DLG2: variants seen among roughly 807,000 people sequenced by gnomAD.
DLG2 encodes disks large homolog 2.
DLG2 carries 45 observed loss-of-function variants against 132.5 expected under a neutral mutation model. That is an observed-to-expected ratio of 0.34 (90% confidence interval 0.27 to 0.44). The LOEUF (loss-of-function observed/expected upper bound fraction) is 0.44, where lower values mean the gene tolerates loss of function less well. DLG2 is among the 20% of genes least tolerant of loss of function. DLG2 has a pLI of 1.00. For missense variants in DLG2, 1,045 were observed against 1,196.9 expected (o/e 0.87, Z 1.87); for synonymous variants, 424 against 419.6 (o/e 1.01, Z -0.13).
chr11:85,119,085 T>C (rs1228941241), intron 5 of DLG2, among the ~76,000 whole-genome samples: 1 of 151,976 alleles, frequency 6.6e-6, no homozygotes, highest in South Asian at 2.1e-4. Flanking sequence ...ACAAGGTTAC[T>C]ATGAAAATTA....
chr11:84,114,127 TTTA>T (rs1346042052), intron 9 of DLG2, among the ~76,000 whole-genome samples: 1 of 151,850 alleles, frequency 6.6e-6, no homozygotes, highest in Non-Finnish European at 1.5e-5. Flanking sequence ...ATTTAATGGG[TTTA>T]TTATTATTTA....
intron 6 of DLG2, among the ~76,000 whole-genome samples, chr11:84,744,865 G>C (rs1469434212): frequency 1.4e-5 from 2 of 142,754 alleles, no homozygotes; most frequent in African/African-American, 2.6e-5. Context: ...GAAAGTTTCT[G>C]CTCTCCAGAT....
chr11:85,195,109 T>C (rs772518140), intron 4 of DLG2, among the ~76,000 whole-genome samples: 4 of 152,156 alleles, frequency 2.6e-5, no homozygotes, highest in African/African-American at 7.2e-5. Context: ...AAATTCCCTA[T>C]GTTCCTGAGA....
At chr11:83,754,827 G>T (rs1465447063) in intron 18 of DLG2, among the ~76,000 whole-genome samples, 1 of 151,386 alleles carries the variant, frequency 6.6e-6, no homozygotes, top group African/African-American at 2.5e-5. Context: ...TATTGGCAAA[G>T]ATATGGCCCA....
intron 7 of DLG2, among the ~76,000 whole-genome samples, chr11:84,438,102 G>T (rs970732635): frequency 1.3e-5 from 2 of 152,106 alleles, no homozygotes; most frequent in Non-Finnish European, 2.9e-5. Flanking sequence ...TCCTCCAAGA[G>T]GACTAAGAGG....
At chr11:84,069,266 T>A (rs1371824712) in intron 10 of DLG2, among the ~76,000 whole-genome samples, 1 of 152,162 alleles carries the variant, frequency 6.6e-6, no homozygotes, top group Non-Finnish European at 1.5e-5. Context: ...GTATGATTCA[T>A]TCCAAAATAA....
chr11:83,906,081 C>CTATA (rs773692866), intron 15 of DLG2, among the ~76,000 whole-genome samples: 115 of 96,626 alleles, frequency 1.2e-3, no homozygotes, highest in East Asian at 2.2e-3. Context: ...CTCTCTCTCT[C>CTATA]TATATATATA....
intron 6 of DLG2, among the ~76,000 whole-genome samples, chr11:84,940,190 T>A (rs2049224010): frequency 6.6e-6 from 1 of 152,194 alleles, no homozygotes; most frequent in African/African-American, 2.4e-5. Flanking sequence ...TTGCTCTGTC[T>A]CCCAGGCTGG....
chr11:84,249,297 C>A (rs1011874795), intron 8 of DLG2, among the ~76,000 whole-genome samples: 1 of 152,182 alleles, frequency 6.6e-6, no homozygotes, highest in Non-Finnish European at 1.5e-5. Flanking sequence ...TATATTGAAG[C>A]TTCTGTGACA....
At chr11:84,804,847 C>A (rs2075816392) in intron 6 of DLG2, among the ~76,000 whole-genome samples, 1 of 152,142 alleles carries the variant, frequency 6.6e-6, no homozygotes, top group Non-Finnish European at 1.5e-5. Context: ...CTTGCTCAGA[C>A]AGTATCAGAA....
chr11:85,509,781 A>G (rs1324654035), intron 3 of DLG2, among the ~76,000 whole-genome samples: 1 of 152,084 alleles, frequency 6.6e-6, no homozygotes, highest in Non-Finnish European at 1.5e-5. Flanking sequence ...TCTATGAATC[A>G]CTGATGAATT....
chr11:84,645,702 C>T (rs2154545816), intron 6 of DLG2, among the ~76,000 whole-genome samples: 1 of 152,228 alleles, frequency 6.6e-6, no homozygotes, highest in Non-Finnish European at 1.5e-5. Flanking sequence ...CTCCTGACCT[C>T]GTGATCCGCC....
At chr11:84,502,297 T>TCTTTCTTTCTTTCTTTCTTTC (rs2099216800) in intron 7 of DLG2, among the ~76,000 whole-genome samples, 3 of 2,378 alleles carry the variant, frequency 1.3e-3, no homozygotes, top group African/African-American at 4.4e-3. Flanking sequence ...TTTCTTTCTT[T>TCTTTCTTTCTTTCTTTCTTTC]CTTTCTTTCT....
intron 6 of DLG2, among the ~76,000 whole-genome samples, chr11:84,546,164 C>G (rs2099389383): frequency 6.6e-6 from 1 of 152,054 alleles, no homozygotes; most frequent in African/African-American, 2.4e-5. Flanking sequence ...GGAGGTGGGG[C>G]CTGGTGGGAG....
At chr11:84,535,894 T>C (rs1294028008) in intron 6 of DLG2, among the ~76,000 whole-genome samples, 2 of 151,712 alleles carry the variant, frequency 1.3e-5, no homozygotes, top group South Asian at 2.1e-4. Flanking sequence ...TTAATTGTGA[T>C]GTCTAACTTC....
intron 17 of DLG2, among the ~76,000 whole-genome samples, chr11:83,819,050 A>AT (rs1160680780): frequency 2.0e-5 from 3 of 151,932 alleles, no homozygotes; most frequent in East Asian, 1.9e-4. Flanking sequence ...AAACAGTGTG[A>AT]TTTTTTCTGA....
At chr11:85,015,000 A>G (rs1478630881) in intron 6 of DLG2, among the ~76,000 whole-genome samples, 2 of 152,146 alleles carry the variant, frequency 1.3e-5, no homozygotes, top group Non-Finnish European at 2.9e-5. Flanking sequence ...TACTACCTAT[A>G]GAACTATTTA....
intron 11 of DLG2, among the ~76,000 whole-genome samples, chr11:83,990,418 GAA>G (rs1432293644): frequency 6.6e-6 from 1 of 152,042 alleles, no homozygotes; most frequent in Non-Finnish European, 1.5e-5. Flanking sequence ...GCCTTTAACT[GAA>G]AGTTTTTCCA....
chr11:84,448,790 C>G (rs749370914), intron 7 of DLG2, among the ~76,000 whole-genome samples: 9 of 151,984 alleles, frequency 5.9e-5, no homozygotes, highest in Non-Finnish European at 4.4e-5. Flanking sequence ...ATGAAACACT[C>G]AAGAAAAGTA....
Sources: allele counts gnomAD v4.1 joint callset (sites outside exome capture counted in the v4.1 genomes callset), GRCh38; gene constraint gnomAD v4.1.1; transcripts MANE v1.5; gene names NCBI Gene and HGNC (gene_info 2026-07-23, HGNC 2026-07-21).